The following PCDHA5 variants were observed in gnomAD, a reference collection of about 807,000 sequenced individuals.
PCDHA5 encodes protocadherin alpha-5.
In PCDHA5, 43 loss-of-function variants were observed where a neutral mutation model predicts 61.6. That is an observed-to-expected ratio of 0.70 (90% CI 0.55 to 0.90). The LOEUF is 0.90. PCDHA5 is among the 40% of genes least tolerant of loss of function. The pLI is 0.00. For synonymous variants in PCDHA5, 627 were observed against 543.9 expected, an observed-to-expected ratio of 1.15 and a Z score of -2.13; for missense variants, 1,298 against 1,222.7, an observed-to-expected ratio of 1.06 and a Z score of -0.92.
intron 1 of PCDHA5, among the ~76,000 whole-genome samples, chr5:140,921,888 AAGG>A (rs1354196773): frequency 2.0e-5 from 3 of 152,090 alleles, no homozygotes; most frequent in African/African-American, 7.2e-5. Flanking sequence ...AGATTTTAGA[AAGG>A]AGGATAAATA....
At chr5:140,905,395 G>T (rs1562949609) in intron 1 of PCDHA5, among the ~76,000 whole-genome samples, 1 of 152,166 alleles carries the variant, frequency 6.6e-6, no homozygotes. Context: ...AGGTCTGTGT[G>T]CCTATTTTTA....
intron 1 of PCDHA5, chr5:140,871,356 G>A (rs368141967): frequency 1.0e-4 from 163 of 1,614,090 alleles, no homozygotes; most frequent in Non-Finnish European, 1.3e-4. Context: ...CATACTCGCA[G>A]CAGAGGCGGC....
chr5:140,956,885 T>A (rs1156888418), intron 1 of PCDHA5, among the ~76,000 whole-genome samples: 1 of 152,194 alleles, frequency 6.6e-6, no homozygotes, highest in Non-Finnish European at 1.5e-5. Flanking sequence ...TAGATATCAA[T>A]GAATGAATAT....
chr5:140,872,286 G>C (rs145153656), intron 1 of PCDHA5, among the ~76,000 whole-genome samples: 7 of 151,974 alleles, frequency 4.6e-5, no homozygotes, highest in Admixed American at 1.3e-4. Flanking sequence ...AAAAAGTTAA[G>C]CCTTGCATTC....
At chr5:141,000,361 G>GTC (rs148596731) in intron 3 of PCDHA5, among the ~76,000 whole-genome samples, 441 of 26,430 alleles carry the variant, frequency 0.017, 8 homozygotes, top group Non-Finnish European at 0.02. Flanking sequence ...GTCTCTCTCT[G>GTC]TCTCTCTCTC....
rs116357285 is a variant in PCDHA5, at chr5:140,877,275, C to T, written c.2352+53148C>T. 2.8e-4 allele frequency: 456 copies of T among 1,613,776 alleles called. 1 individual carries two copies. In the African/African-American group the frequency reaches 4.6e-3, roughly 16 times the overall value. Reference sequence around the variant, plus strand: ...AAGTGCGCGCGGTGGACGCTGACTCCGGCTATAACGCTTGGCTGTCCTACG... The same window carrying T: ...AAGTGCGCGCGGTGGACGCTGACTCTGGCTATAACGCTTGGCTGTCCTACG... On this transcript the variant is annotated intron_variant, in intron 1 of 3. Transcript: ENST00000529859.
intron 1 of PCDHA5, among the ~76,000 whole-genome samples, chr5:140,909,403 G>A (rs533159317): frequency 2.0e-4 from 31 of 152,280 alleles, no homozygotes; most frequent in African/African-American, 7.2e-4. Flanking sequence ...AGCTGCAATT[G>A]CAGTTACCAT....
At chr5:140,973,760 A>T (rs2153800993) in intron 1 of PCDHA5, among the ~76,000 whole-genome samples, 1 of 152,376 alleles carries the variant, frequency 6.6e-6, no homozygotes, top group Admixed American at 6.5e-5. Flanking sequence ...GCAGGGACAC[A>T]GCCTGGCATA....
In PCDHA5 at chr5:140,822,298, G is replaced by A. The variant is rs782270445; in HGVS notation, c.523G>A (p.Glu175Lys). The A allele has an allele frequency of 2.5e-6, 4 of 1,614,222 alleles. No homozygotes were observed. The highest frequency in any genetic ancestry group is 3.4e-6 in the Non-Finnish European group (4 of 1,180,036). ...ATTGAGATACAGGTTAAATCCAAACGAATATTTTGACTTAGATGTTAAAAC... is the reference window on the plus strand; with the variant it reads ...ATTGAGATACAGGTTAAATCCAAACAAATATTTTGACTTAGATGTTAAAAC... Reference protein sequence around the residue: ...AQLRYRLNPNEYFDLDVKTNE... With the variant: ...AQLRYRLNPNKYFDLDVKTNE... The change falls in exon 1 of 4, where the codon GAA becomes AAA. Residue 175 changes from glutamate to lysine, a missense_variant. Transcript: ENST00000529859.
intron 1 of PCDHA5, among the ~76,000 whole-genome samples, chr5:140,887,519 T>C (rs1460911624): frequency 1.3e-5 from 2 of 152,190 alleles, no homozygotes; most frequent in East Asian, 3.8e-4. Flanking sequence ...CTTTTTTATA[T>C]ATGAGTCTTC....
At chr5:140,937,378 G>A (rs1248709474) in intron 1 of PCDHA5, among the ~76,000 whole-genome samples, 2 of 152,248 alleles carry the variant, frequency 1.3e-5, no homozygotes, top group East Asian at 1.9e-4. Context: ...GTTTATGTGT[G>A]TGTATGTGTA....
intron 1 of PCDHA5, among the ~76,000 whole-genome samples, chr5:140,833,258 A>G (rs2150207264): frequency 1.3e-5 from 2 of 152,334 alleles, no homozygotes; most frequent in South Asian, 4.1e-4. Flanking sequence ...CCAGGAGAGC[A>G]GCAATTATAA....
At chr5:140,883,226 G>T (rs572696678) in intron 1 of PCDHA5, 82 of 1,613,938 alleles carry the variant, frequency 5.1e-5, no homozygotes, top group South Asian at 4.2e-4. Flanking sequence ...TGAAATATCC[G>T]TGGAGGCAGT....
At chr5:140,849,816 G>A (rs2150451582) in intron 1 of PCDHA5, 4 of 1,598,578 alleles carry the variant, frequency 2.5e-6, no homozygotes, top group East Asian at 2.2e-5. Flanking sequence ...CACGGCCAGG[G>A]TGTCTGTGGA....
chr5:140,884,568 C>T (rs2060268107), intron 1 of PCDHA5: 2 of 1,614,210 alleles, frequency 1.2e-6, no homozygotes, highest in Non-Finnish European at 1.7e-6. Flanking sequence ...CCGCATAAGA[C>T]GGACCTCATG....
Position 140,832,211 on chromosome 5 carries a change from A to G in PCDHA5, c.2352+8084A>G, listed in dbSNP as rs143111478. 2.9e-3 allele frequency among the ~76,000 whole-genome samples: 436 copies of G among 152,312 alleles called. 3 individuals are homozygous for G. Among genetic ancestry groups the G allele is most frequent in the Middle Eastern group, 0.014 (4 of 294 alleles). Reference sequence around the variant, plus strand: ...CATTTAACCTGCTGAGTCCTCAGTGATTTCCTGGAGTTGGTTTTGACTTTT... The same window carrying G: ...CATTTAACCTGCTGAGTCCTCAGTGGTTTCCTGGAGTTGGTTTTGACTTTT... On this transcript the variant is annotated intron_variant, in intron 1 of 3. Coordinates refer to ENST00000529859, the MANE Select transcript of PCDHA5 (RefSeq NM_018908.3).
intron 1 of PCDHA5, chr5:140,968,757 A>G (rs1488596963): frequency 6.2e-7 from 1 of 1,614,204 alleles, no homozygotes; most frequent in Non-Finnish European, 8.5e-7. Flanking sequence ...GTGGTCCGAG[A>G]TAATGGAGAG....
Position 140,823,090 on chromosome 5 carries a change from A to T in PCDHA5, c.1315A>T (p.Ser439Cys). ...GGSPSLWATA[S>C]VSVEVADVND... ...CTCGCCTTCGCTGTGGGCCACCGCC[A>T]GCGTGTCTGTGGAAGTGGCCGACGT... is the stretch of plus-strand genomic sequence containing the variant. Residue 439 changes from serine to cysteine, a missense_variant, in exon 1 of 4, where the codon AGC becomes TGC. Coordinates refer to ENST00000529859, the MANE Select transcript of PCDHA5 (RefSeq NM_018908.3). 1 of 1,614,038 alleles carries T rather than the reference A, an allele frequency of 6.2e-7. No homozygotes were observed. Among genetic ancestry groups the T allele is most frequent in the Non-Finnish European group, 8.5e-7 (1 of 1,180,008 alleles).
At chr5:140,873,722 G>A (rs371744747) in intron 1 of PCDHA5, among the ~76,000 whole-genome samples, 2 of 152,198 alleles carry the variant, frequency 1.3e-5, no homozygotes, top group South Asian at 2.1e-4. Flanking sequence ...GTGCAGTGGC[G>A]CAATCTCAGC....
Sources: allele counts gnomAD v4.1 joint callset (sites outside exome capture counted in the v4.1 genomes callset), GRCh38; gene constraint gnomAD v4.1.1; transcripts MANE v1.5; gene names NCBI Gene and HGNC (gene_info 2026-07-23, HGNC 2026-07-21).